Variants in MZT2A observed in about 807,000 individuals in gnomAD.
MZT2A encodes the protein mitotic-spindle organizing protein 2A.
Under a neutral mutation model 12.4 loss-of-function variants are expected in MZT2A, and 8 were observed. The ratio of observed to expected loss-of-function variants is 0.64; its 90% CI spans 0.38 to 1.16. The LOEUF is 1.16. Among genes scored for constraint, MZT2A ranks in the 50% most tolerant of loss-of-function variants. MZT2A has a pLI of 0.01. For missense variants in MZT2A, 181 were observed against 223.6 expected, an observed-to-expected ratio of 0.81 and a Z score of 1.22; for synonymous variants, 88 against 107.5, an observed-to-expected ratio of 0.82 and a Z score of 1.12.
chr2:131,474,701 C>T (rs1416232910), intron 2 of MZT2A, among the ~76,000 whole-genome samples: 3 of 151,760 alleles, frequency 2.0e-5, no homozygotes, highest in East Asian at 2.0e-4. Flanking sequence ...TGAGCCACCA[C>T]GCCTGACCCA....
Position 131,492,334 on chromosome 2 carries a change from G to T in MZT2A, c.43C>A (p.Pro15Thr). 3.3e-6 allele frequency: 5 copies of T among 1,508,102 alleles called. No individual in the cohort carries two copies. The highest frequency in any genetic ancestry group is 4.4e-6 in the Non-Finnish European group (5 of 1,136,798). 93.4% of individuals were successfully genotyped at this position (1,508,102 alleles called of 1,614,324 possible). A position where few individuals can be genotyped will look rare whatever the true frequency, so the allele number is the denominator to read the frequency against. The change falls in exon 1 of 3, where the codon CCC (proline) becomes ACC (threonine). Residue 15 changes from proline to threonine, a missense_variant. By Grantham distance (38) the Pro-to-Thr change is conservative. Coordinates refer to ENST00000309451, the MANE Select transcript of MZT2A (RefSeq NM_001085365.2). Reference sequence around the variant, plus strand: ...TGCCGGGCCGCCTCCAGCCCCGGGGGCGCCGCCGACCCCGGCCCAGGCCCT... The same window carrying T: ...TGCCGGGCCGCCTCCAGCCCCGGGGTCGCCGCCGACCCCGGCCCAGGCCCT... The part of the protein sequence containing the change: ...GVGPGPGSAA[P>T]PGLEAARQKL...
At chr2:131,486,913 C>T (rs772548130) in intron 2 of MZT2A, among the ~76,000 whole-genome samples, 30 of 152,208 alleles carry the variant, frequency 2.0e-4, no homozygotes, top group African/African-American at 2.9e-4. Context: ...GCTCTCGGGG[C>T]TAGTGGGGAG....
intron 2 of MZT2A, chr2:131,490,656 G>A: frequency 2.1e-5 from 32 of 1,549,230 alleles, no homozygotes; most frequent in Non-Finnish European, 2.4e-5. Context: ...GGGCCATGCA[G>A]TTTCCATGAA....
chr2:131,486,917 T>C (rs1229075630), intron 2 of MZT2A, among the ~76,000 whole-genome samples: 1 of 152,128 alleles, frequency 6.6e-6, no homozygotes, highest in African/African-American at 2.4e-5. Flanking sequence ...TCGGGGCTAG[T>C]GGGGAGCCCT....
chr2:131,492,734 C>T (rs575288640), upstream of MZT2A: 231 of 1,238,262 alleles, frequency 1.9e-4, 2 homozygotes, highest in South Asian at 3.0e-3. Flanking sequence ...TTCAAGAAAG[C>T]GTGCAATTTT....
At chr2:131,487,160 C>T (rs541825955) in intron 2 of MZT2A, among the ~76,000 whole-genome samples, 13 of 152,290 alleles carry the variant, frequency 8.5e-5, no homozygotes, top group Non-Finnish European at 1.3e-4. Flanking sequence ...ACGCCAAAAA[C>T]AGTCAATGAC....
downstream of MZT2A, among the ~76,000 whole-genome samples, chr2:131,483,725 CAA>C (rs1206309944): frequency 7.0e-6 from 1 of 142,564 alleles, no homozygotes; most frequent in African/African-American, 3.0e-5. Context: ...AGAAAACAAA[CAA>C]ACAAACAAAC....
At chr2:131,490,780 G>A in intron 2 of MZT2A, 2 of 1,549,960 alleles carry the variant, frequency 1.3e-6, no homozygotes, top group Non-Finnish European at 1.7e-6. Context: ...AGAGAGGTGA[G>A]TGTGTGGCAG....
At chr2:131,473,507 T>TG (rs1678536497) in intron 2 of MZT2A, among the ~76,000 whole-genome samples, 1 of 151,370 alleles carries the variant, frequency 6.6e-6, no homozygotes, top group East Asian at 1.9e-4. Flanking sequence ...GGAGATGCCA[T>TG]GGTGGGATGC....
intron 2 of MZT2A, among the ~76,000 whole-genome samples, chr2:131,485,280 A>G (rs957608099): frequency 2.0e-5 from 3 of 152,260 alleles, no homozygotes; most frequent in Admixed American, 6.5e-5. Context: ...CTAATCAGCT[A>G]CATGTTCCCC....
At chr2:131,492,077 C>T in intron 1 of MZT2A, 53 bp from the exon 2 acceptor site, 1 of 1,567,322 alleles carries the variant, frequency 6.4e-7, no homozygotes, top group Non-Finnish European at 8.6e-7. Flanking sequence ...GCGCGGCCAC[C>T]TCCCTGAAGA....
At chr2:131,479,720 C>T (rs1355455613), downstream of MZT2A, among the ~76,000 whole-genome samples, 1 of 152,108 alleles carries the variant, frequency 6.6e-6, no homozygotes, top group African/African-American at 2.4e-5. Context: ...CACACCTGTA[C>T]TCCCAGCTAC....
intron 2 of MZT2A, among the ~76,000 whole-genome samples, chr2:131,485,220 C>G (rs1679007933): frequency 1.3e-5 from 2 of 152,176 alleles, no homozygotes; most frequent in African/African-American, 4.8e-5. Context: ...CATTTCATCC[C>G]CCCAGCATTT....
At chr2:131,479,225 G>A (rs1380646102), downstream of MZT2A, 2 of 1,546,940 alleles carry the variant, frequency 1.3e-6, no homozygotes, top group Non-Finnish European at 8.7e-7. Flanking sequence ...CATGTGCTCT[G>A]TAGAAGTGAA....
chr2:131,492,164 G>T (rs767548418), intron 1 of MZT2A, 43 bp downstream of exon 1: 4 of 1,535,586 alleles, frequency 2.6e-6, no homozygotes, highest in Non-Finnish European at 3.5e-6. Context: ...AGCAGAGGTC[G>T]GGGGTGTCTG....
upstream of MZT2A, chr2:131,493,162 C>A: frequency 4.2e-6 from 6 of 1,431,188 alleles, no homozygotes; most frequent in Non-Finnish European, 5.5e-6. Flanking sequence ...GGGACGCGCG[C>A]GTGAGACGGT....
rs560458073 is a variant in MZT2A, at chr2:131,471,512, T to C, written c.393+556A>G. ...TGTGTTATTACTATACTTAATGGCA[T>C]TTGAATATAAAGTTCACATATCTTA... On this transcript the variant is annotated intron_variant and NMD_transcript_variant, in intron 3 of 4. Transcript: ENST00000427024. Among the ~76,000 whole-genome samples the C allele has an allele frequency of 1.2e-4, 18 of 148,880 alleles. No individual in the cohort carries two copies. The South Asian group carries it at 3.8e-3, about 31-fold the overall frequency.
intron 2 of MZT2A, chr2:131,489,859 T>C: frequency 2.8e-5 from 27 of 966,482 alleles, no homozygotes; most frequent in Non-Finnish European, 3.3e-5. Context: ...AGTGTGATCA[T>C]CTCACTTCCC....
At position 131,492,386 on chromosome 2, in the gene MZT2A, C is replaced by A; in HGVS notation, c.-10G>T. 1 of 1,303,542 alleles carries A rather than the reference C, an allele frequency of 7.7e-7. No homozygotes were observed. Among genetic ancestry groups the A allele is most frequent in the Non-Finnish European group, 9.7e-7 (1 of 1,035,462 alleles). 80.7% of individuals were successfully genotyped at this position (1,303,542 alleles called of 1,614,324 possible). A position where few individuals can be genotyped will look rare whatever the true frequency, so the allele number is the denominator to read the frequency against. On this transcript the variant is annotated 5_prime_UTR_variant, in exon 1 of 3. Transcript: ENST00000309451. ...CGCCCTGCGCCGCCATCCGCGAGGC[C>A]CGCCGAAAGGTGCGCCCCGCCCCGC...
Sources: allele counts gnomAD v4.1 joint callset (sites outside exome capture counted in the v4.1 genomes callset), GRCh38; gene constraint gnomAD v4.1.1; transcripts MANE v1.5; gene names NCBI Gene and HGNC (gene_info 2026-07-23, HGNC 2026-07-21).